Variants in SH3BGRL2 observed in about 807,000 individuals in gnomAD.
SH3BGRL2 encodes the protein SH3 domain-binding glutamic acid-rich-like protein 2.
A neutral mutation model predicts 14.8 loss-of-function variants in SH3BGRL2; 21 were observed. That is an observed-to-expected ratio of 1.42 (90% confidence interval 1.01 to 2.05). The LOEUF (loss-of-function observed/expected upper bound fraction) is 2.05, where lower values mean the gene tolerates loss of function less well. SH3BGRL2 is among the 30% of genes most tolerant of loss of function. The pLI is 0.00. For missense variants in SH3BGRL2, 147 were observed against 130.8 expected (o/e 1.12, Z -0.61); for synonymous variants, 50 against 47.8 (o/e 1.05, Z -0.19).
chr6:79,676,694 GAA>G (rs1474512155), intron 2 of SH3BGRL2, among the ~76,000 whole-genome samples: 1 of 151,834 alleles, frequency 6.6e-6, no homozygotes, highest in African/African-American at 2.4e-5. Context: ...CTTACTGAGA[GAA>G]AGGAGGTAGA....
intron 1 of SH3BGRL2, among the ~76,000 whole-genome samples, chr6:79,662,453 T>A (rs1355705334): frequency 1.3e-5 from 2 of 152,216 alleles, no homozygotes; most frequent in Non-Finnish European, 2.9e-5. Flanking sequence ...TTCTTTTGTT[T>A]AAGAATGTTG....
At chr6:79,697,397 T>C (rs1217151498) in intron 3 of SH3BGRL2, among the ~76,000 whole-genome samples, 3 of 152,178 alleles carry the variant, frequency 2.0e-5, no homozygotes, top group Non-Finnish European at 4.4e-5. Context: ...TGAGACTGAA[T>C]TCTAATATGT....
chr6:79,578,046 A>T, the SH3BGRL2 span, among the ~76,000 whole-genome samples: 24,135 of 152,252 alleles, frequency 0.16, 2,177 homozygotes, highest in South Asian at 0.22. Context: ...ATCAATCTGC[A>T]AGGCGGCAGC....
chr6:79,699,463 C>CTTTTTTTTT lies in SH3BGRL2; in HGVS notation c.313-13_313-5dup, dbSNP rs35728679. 25 of 880,962 alleles carry CTTTTTTTTT rather than the reference C, an allele frequency of 2.8e-5. 1 individual carries two copies. Among genetic ancestry groups the CTTTTTTTTT allele is most frequent in the Admixed American group, 8.6e-5 (2 of 23,356 alleles). 54.6% of individuals were successfully genotyped at this position (880,962 alleles called of 1,614,324 possible). ...CTTGTCGATGTAATGCAATAACTGACTTTTTTTTTTTTTTTTTTTTTTTTT... is the reference window on the plus strand; with the variant it reads ...CTTGTCGATGTAATGCAATAACTGACTTTTTTTTTTTTTTTTTTTTTTTTTTTTTTTTTT... On this transcript the variant is annotated intron_variant, in intron 3 of 3. Transcript: ENST00000369838.
chr6:79,647,158 G>A (rs1411237632), intron 1 of SH3BGRL2, among the ~76,000 whole-genome samples: 3 of 152,140 alleles, frequency 2.0e-5, no homozygotes, highest in Non-Finnish European at 4.4e-5. Flanking sequence ...ATTCCCACTA[G>A]CAATGTATGC....
chr6:79,554,926 A>G, the SH3BGRL2 span, among the ~76,000 whole-genome samples: 1 of 117,426 alleles, frequency 8.5e-6, no homozygotes, highest in African/African-American at 2.9e-5. Flanking sequence ...ATGCACAAAT[A>G]TTATTATTAC....
the SH3BGRL2 span, among the ~76,000 whole-genome samples, chr6:79,568,364 T>G: frequency 6.6e-6 from 1 of 152,166 alleles, no homozygotes; most frequent in African/African-American, 2.4e-5. Context: ...CTGTGGTATA[T>G]TTATACAATG....
chr6:79,677,287 A>T (rs1194844509), intron 2 of SH3BGRL2, among the ~76,000 whole-genome samples: 1 of 152,182 alleles, frequency 6.6e-6, no homozygotes, highest in Non-Finnish European at 1.5e-5. Flanking sequence ...TTAGAAAATT[A>T]TTATTGTAAC....
the SH3BGRL2 span, among the ~76,000 whole-genome samples, chr6:79,553,967 C>CA: frequency 0.018 from 2,324 of 126,626 alleles, 57 homozygotes; most frequent in African/African-American, 0.057. Flanking sequence ...GACTCTGTCT[C>CA]AAAAAAAAAA....
intron 1 of SH3BGRL2, among the ~76,000 whole-genome samples, chr6:79,655,923 G>A (rs990717392): frequency 1.3e-5 from 2 of 152,206 alleles, no homozygotes; most frequent in African/African-American, 4.8e-5. Context: ...TCACCCAAGG[G>A]TGGAAAGCCA....
At chr6:79,609,535 C>G in the SH3BGRL2 span, among the ~76,000 whole-genome samples, 3 of 152,266 alleles carry the variant, frequency 2.0e-5, no homozygotes, top group East Asian at 1.9e-4. Flanking sequence ...TCTGTCTGGC[C>G]TCATCCATCC....
intron 2 of SH3BGRL2, among the ~76,000 whole-genome samples, chr6:79,675,930 T>C (rs1390460915): frequency 6.6e-6 from 1 of 152,174 alleles, no homozygotes; most frequent in East Asian, 1.9e-4. Context: ...TCGTCTTTTG[T>C]TCATGTAAGA....
the SH3BGRL2 span, among the ~76,000 whole-genome samples, chr6:79,591,556 C>T: frequency 4.6e-5 from 7 of 152,012 alleles, no homozygotes; most frequent in Admixed American, 2.0e-4. Context: ...TGCAGGTGTG[C>T]GCCACTACAC....
At chr6:79,570,136 A>G in the SH3BGRL2 span, among the ~76,000 whole-genome samples, 1 of 152,194 alleles carries the variant, frequency 6.6e-6, no homozygotes, top group Admixed American at 6.5e-5. Flanking sequence ...AAATATCTTT[A>G]AGAACATATG....
the SH3BGRL2 span, among the ~76,000 whole-genome samples, chr6:79,542,456 A>G: frequency 1.3e-5 from 2 of 151,736 alleles, no homozygotes; most frequent in African/African-American, 4.8e-5. Context: ...ATTAGTAAAT[A>G]TAGGGTTTCA....
At chr6:79,597,339 AAG>A in the SH3BGRL2 span, among the ~76,000 whole-genome samples, 1 of 136,910 alleles carries the variant, frequency 7.3e-6, no homozygotes, top group African/African-American at 2.8e-5. Flanking sequence ...GAAAAGAAAA[AAG>A]AAAAGAAAGA....
intron 1 of SH3BGRL2, among the ~76,000 whole-genome samples, chr6:79,656,733 A>G (rs1389554512): frequency 6.6e-6 from 1 of 152,184 alleles, no homozygotes; most frequent in Admixed American, 6.5e-5. Context: ...ATAAGGGAGG[A>G]TATGTGTAGG....
At chr6:79,590,179 G>C in the SH3BGRL2 span, among the ~76,000 whole-genome samples, 1 of 151,894 alleles carries the variant, frequency 6.6e-6, no homozygotes, top group African/African-American at 2.4e-5. Flanking sequence ...GTGGAGAAAA[G>C]GGATGTTTAT....
chr6:79,694,608 C>G lies in SH3BGRL2; in HGVS notation c.232-1877C>G, dbSNP rs368584852. ...CCTCCAGTTGCTCAGCTGATATCTT[C>G]TTTACTCAATGTTTCATATAGTTTC... is the stretch of plus-strand genomic sequence containing the variant. On this transcript the variant is annotated intron_variant, in intron 2 of 3. Coordinates refer to ENST00000369838, the MANE Select transcript of SH3BGRL2 (RefSeq NM_031469.4). Among the ~76,000 whole-genome samples, 21 of 152,290 alleles carry G rather than the reference C, an allele frequency of 1.4e-4. No individual in the cohort carries two copies. The East Asian group carries it at 2.3e-3, about 17-fold the overall frequency.
Sources: allele counts gnomAD v4.1 joint callset (sites outside exome capture counted in the v4.1 genomes callset), GRCh38; gene constraint gnomAD v4.1.1; transcripts MANE v1.5; gene names NCBI Gene and HGNC (gene_info 2026-07-23, HGNC 2026-07-21).